The following NTAQ1 variants were observed in gnomAD, a reference collection of about 807,000 sequenced individuals.
NTAQ1 encodes protein N-terminal glutamine amidohydrolase.
In NTAQ1, 21 loss-of-function variants were observed where a neutral mutation model predicts 28.2. That is an observed-to-expected ratio of 0.74 (90% CI 0.53 to 1.07). The LOEUF is 1.07. Ranked by LOEUF, NTAQ1 falls within the 50% of genes least tolerant of loss-of-function variation. NTAQ1 has a pLI of 0.00. For missense variants in NTAQ1, 264 were observed against 256.6 expected (o/e 1.03, Z -0.20); for synonymous variants, 105 against 90.0 (o/e 1.17, Z -0.94).
intron 2 of NTAQ1, 29 bp downstream of exon 2, chr8:123,428,052 A>G (rs374449148): frequency 1.6e-5 from 24 of 1,511,228 alleles, no homozygotes; most frequent in Admixed American, 4.1e-5. Context: ...GCAGAAAGAA[A>G]ACAAGAGATT....
chr8:123,441,581 T>G lies in NTAQ1; in HGVS notation c.*166T>G. 1 of 655,124 alleles carries G rather than the reference T, an allele frequency of 1.5e-6. No individual in the cohort carries two copies. The highest frequency in any genetic ancestry group is 2.4e-5 in the Admixed American group (1 of 40,996). 40.6% of individuals were successfully genotyped at this position (655,124 alleles called of 1,614,324 possible). A position where few individuals can be genotyped will look rare whatever the true frequency, so the allele number is the denominator to read the frequency against. On this transcript the variant is annotated 3_prime_UTR_variant, in exon 6 of 6. Coordinates refer to ENST00000287387, the MANE Select transcript of NTAQ1 (RefSeq NM_018024.3). ...TGAATACAAATATAAATGAACAACA[T>G]AAAAACTTTTGTTTTGACATGTCAA...
chr8:123,467,488 A>G (rs1279820150), exon 7 of NTAQ1, among the ~76,000 whole-genome samples: 1 of 152,216 alleles, frequency 6.6e-6, no homozygotes, highest in Non-Finnish European at 1.5e-5. Flanking sequence ...AATAATTTTT[A>G]AAGTGTTTTC....
At chr8:123,475,357 T>C in the NTAQ1 span, among the ~76,000 whole-genome samples, 1 of 152,200 alleles carries the variant, frequency 6.6e-6, no homozygotes, top group Non-Finnish European at 1.5e-5. Flanking sequence ...ATTCCTTTTA[T>C]TGGAAAATGG....
chr8:123,426,156 G>A (rs903788133), intron 1 of NTAQ1, among the ~76,000 whole-genome samples: 2 of 152,186 alleles, frequency 1.3e-5, no homozygotes, highest in African/African-American at 4.8e-5. Context: ...CAACAGCTGA[G>A]CTGTGAGTAC....
chr8:123,431,885 G>A (rs540645513), intron 3 of NTAQ1, among the ~76,000 whole-genome samples: 43 of 152,306 alleles, frequency 2.8e-4, no homozygotes, highest in Admixed American at 1.6e-3. Context: ...TAGATGGTCC[G>A]TGTGCACGAG....
At chr8:123,474,860 C>T (rs1043654408), downstream of NTAQ1, among the ~76,000 whole-genome samples, 2 of 152,184 alleles carry the variant, frequency 1.3e-5, no homozygotes, top group Admixed American at 6.5e-5. Flanking sequence ...GCACTCTAGC[C>T]TGGGGGATAA....
chr8:123,438,055 A>G (rs1030597832), intron 5 of NTAQ1: 8 of 641,622 alleles, frequency 1.2e-5, no homozygotes, highest in Non-Finnish European at 2.8e-6. Context: ...CACTTTGGCT[A>G]TATAATAAAA....
chr8:123,449,838 G>A (rs1287604106), downstream of NTAQ1, among the ~76,000 whole-genome samples: 4 of 146,442 alleles, frequency 2.7e-5, no homozygotes, highest in Non-Finnish European at 5.9e-5. Flanking sequence ...GGGCGACAGA[G>A]TGAGACTCTG....
intron 5 of NTAQ1, among the ~76,000 whole-genome samples, chr8:123,438,735 A>G (rs1289196364): frequency 1.3e-5 from 2 of 152,110 alleles, no homozygotes; most frequent in South Asian, 2.1e-4. Flanking sequence ...TACATTTGGC[A>G]TATTTGAGGG....
exon 7 of NTAQ1, chr8:123,467,150 A>C (rs1233247128): frequency 6.7e-6 from 1 of 150,092 alleles, no homozygotes; most frequent in African/African-American, 2.5e-5. Flanking sequence ...GGTTCAAGTG[A>C]TCCTCAGCCT....
downstream of NTAQ1, among the ~76,000 whole-genome samples, chr8:123,471,003 C>T (rs985806386): frequency 1.3e-5 from 2 of 151,844 alleles, no homozygotes; most frequent in African/African-American, 4.8e-5. Context: ...TCACTGCAAC[C>T]TTGACTTCCT....
At chr8:123,425,245 C>A (rs1813974785) in intron 1 of NTAQ1, among the ~76,000 whole-genome samples, 1 of 152,000 alleles carries the variant, frequency 6.6e-6, no homozygotes, top group Admixed American at 6.6e-5. Context: ...GCATCAGCCA[C>A]CACGCCCAGC....
intron 3 of NTAQ1, chr8:123,435,543 G>C: frequency 1.0e-6 from 1 of 984,996 alleles, no homozygotes; most frequent in South Asian, 4.7e-5. Context: ...GAATGCGCAC[G>C]TATGTCTTTA....
At chr8:123,416,734 C>G (rs920093157), upstream of NTAQ1, 1 of 1,051,946 alleles carries the variant, frequency 9.5e-7, no homozygotes, top group South Asian at 2.0e-5. Context: ...CCCTCTCCCC[C>G]CGGGCTCCGC....
intron 1 of NTAQ1, among the ~76,000 whole-genome samples, chr8:123,417,638 G>T (rs1166586937): frequency 2.6e-5 from 4 of 152,004 alleles, no homozygotes; most frequent in Non-Finnish European, 4.4e-5. Context: ...CTGAGTAATG[G>T]CTTCTTCCCC....
chr8:123,465,608 G>A (rs1663716827), intron 6 of NTAQ1, among the ~76,000 whole-genome samples: 1 of 107,784 alleles, frequency 9.3e-6, no homozygotes, highest in South Asian at 3.3e-4. Context: ...TTGAGACAGA[G>A]TCTTGCTCTG....
intron 1 of NTAQ1, among the ~76,000 whole-genome samples, chr8:123,424,204 C>T (rs1813899918): frequency 6.6e-6 from 1 of 150,566 alleles, no homozygotes; most frequent in Non-Finnish European, 1.5e-5. Context: ...TCCCAAGTAG[C>T]TGGGATTACA....
At chr8:123,455,493 T>C (rs1336751742) in intron 6 of NTAQ1, among the ~76,000 whole-genome samples, 2 of 150,748 alleles carry the variant, frequency 1.3e-5, no homozygotes, top group East Asian at 3.9e-4. Flanking sequence ...TGGTGCAATC[T>C]TGGCTCATTA....
chr8:123,443,754 G>A (rs570425932), downstream of NTAQ1, among the ~76,000 whole-genome samples: 12 of 152,208 alleles, frequency 7.9e-5, no homozygotes, highest in Non-Finnish European at 1.6e-4. Flanking sequence ...TATATTTTTA[G>A]TAGAGATGGG....
Sources: gnomAD v4.1 joint callset for allele counts (sites outside exome capture counted in the v4.1 genomes callset) on GRCh38, gnomAD v4.1.1 for gene constraint, MANE v1.5 for transcripts, NCBI Gene and HGNC (gene_info 2026-07-23, HGNC 2026-07-21) for gene names.